GALNT2: variants seen among roughly 807,000 people sequenced by gnomAD.
The protein encoded by GALNT2 is UDP-GalNAc:polypeptide N-acetylgalactosaminyltransferase 2.
GALNT2 carries 31 observed loss-of-function variants against 81.4 expected under a neutral mutation model. The ratio of observed to expected loss-of-function variants is 0.38; its 90% confidence interval spans 0.29 to 0.51. The LOEUF (loss-of-function observed/expected upper bound fraction) is 0.51. Among genes scored for constraint, GALNT2 ranks in the 20% least tolerant of loss-of-function variants. The pLI, the probability that GALNT2 is intolerant of heterozygous loss-of-function variation, is 0.87. For missense variants in GALNT2, 629 were observed against 765.7 expected, an observed-to-expected ratio of 0.82 and a Z score of 2.11; for synonymous variants, 303 against 287.4, an observed-to-expected ratio of 1.05 and a Z score of -0.55.
At chr1:230,174,443 C>T (rs1040258048) in intron 1 of GALNT2, among the ~76,000 whole-genome samples, 4 of 152,136 alleles carry the variant, frequency 2.6e-5, no homozygotes, top group Non-Finnish European at 5.9e-5. Context: ...CTTGGTATCT[C>T]ACAGTAGCTT....
chr1:230,262,893 T>C (rs751372281), intron 12 of GALNT2, 29 bp from the exon 13 acceptor site: 1 of 1,598,634 alleles, frequency 6.3e-7, no homozygotes, highest in Admixed American at 1.7e-5. Flanking sequence ...TTAAAATTTA[T>C]AAAGGAATCT....
intron 1 of GALNT2, among the ~76,000 whole-genome samples, chr1:230,148,868 T>TAAGCCACCATACCCAGCCC (rs1662006156): frequency 6.6e-6 from 1 of 151,470 alleles, no homozygotes; most frequent in Non-Finnish European, 1.5e-5. Context: ...ATTACAGGCA[T>TAAGCCACCATACCCAGCCC]AAGCCACCAT....
chr1:230,217,555 G>A (rs184778942), intron 3 of GALNT2, among the ~76,000 whole-genome samples: 6 of 152,320 alleles, frequency 3.9e-5, no homozygotes, highest in East Asian at 1.9e-4. Context: ...GTCATAGTCC[G>A]TTTTGTGCTG....
intron 1 of GALNT2, among the ~76,000 whole-genome samples, chr1:230,174,594 C>A (rs956321367): frequency 1.3e-5 from 2 of 152,096 alleles, no homozygotes; most frequent in Non-Finnish European, 2.9e-5. Context: ...GTCTTTGATT[C>A]TTCTTCCCCT....
At chr1:230,175,982 G>A (rs184899260) in intron 1 of GALNT2, among the ~76,000 whole-genome samples, 136 of 152,246 alleles carry the variant, frequency 8.9e-4, no homozygotes, top group Non-Finnish European at 1.6e-3. Flanking sequence ...TTGTAAGACA[G>A]GAATTATAAA....
intron 1 of GALNT2, among the ~76,000 whole-genome samples, chr1:230,145,585 A>T (rs1019952654): frequency 1.3e-5 from 2 of 152,248 alleles, no homozygotes; most frequent in African/African-American, 4.8e-5. Context: ...GTCGGGGCTT[A>T]GACATTTACA....
intron 1 of GALNT2, among the ~76,000 whole-genome samples, chr1:230,083,048 TGGGATGATGGAGCAGGGAAGCC>T (rs1558275218): frequency 6.4e-5 from 9 of 140,116 alleles, no homozygotes; most frequent in East Asian, 4.4e-4. Flanking sequence ...GGAGGGAAGC[TGGGATGATGGAGCAGGGAAGCC>T]GGGATGATGG....
chr1:230,091,085 T>TCTG, intron 1 of GALNT2, among the ~76,000 whole-genome samples: 1 of 152,154 alleles, frequency 6.6e-6, no homozygotes, highest in South Asian at 2.1e-4. Flanking sequence ...CTTTCTTTTT[T>TCTG]TTTTTGAGAC....
Position 230,279,142 on chromosome 1 carries a change from G to A in GALNT2, c.1561-161G>A, listed in dbSNP as rs906865328. Among the ~76,000 whole-genome samples the A allele has an allele frequency of 2.6e-5, 4 of 152,220 alleles. No homozygotes were observed. Among genetic ancestry groups the A allele is most frequent in the Non-Finnish European group, 5.9e-5 (4 of 68,030 alleles). ...CAGCAGCACCTGTGGCTGGTTTCCTGTGGGGCTGCTGCAAGCTCCTCGGCC... is the reference window on the plus strand; with the variant it reads ...CAGCAGCACCTGTGGCTGGTTTCCTATGGGGCTGCTGCAAGCTCCTCGGCC... On this transcript the variant is annotated intron_variant, in intron 15 of 15. Coordinates refer to ENST00000366672, the MANE Select transcript of GALNT2 (RefSeq NM_004481.5). The surrounding 1 kb of genome is among the most constrained non-coding windows in gnomAD (Gnocchi z 4.6).
At chr1:230,133,608 C>G (rs961193789) in intron 1 of GALNT2, among the ~76,000 whole-genome samples, 1 of 152,110 alleles carries the variant, frequency 6.6e-6, no homozygotes, top group Non-Finnish European at 1.5e-5. Context: ...CGCCCGCCAC[C>G]GCGCCCAGCT....
At chr1:230,066,801 CTT>C (rs569511608), upstream of GALNT2, among the ~76,000 whole-genome samples, 2 of 152,232 alleles carry the variant, frequency 1.3e-5, no homozygotes, top group East Asian at 3.9e-4. Context: ...GAGCAAGGCT[CTT>C]TGCCCACGTG....
intron 1 of GALNT2, among the ~76,000 whole-genome samples, chr1:230,155,832 T>G (rs1662233417): frequency 6.6e-6 from 1 of 152,156 alleles, no homozygotes; most frequent in Non-Finnish European, 1.5e-5. Flanking sequence ...ACATTCGGCG[T>G]CAACCTCCAG....
chr1:230,065,066 A>G (rs1442054308), upstream of GALNT2, among the ~76,000 whole-genome samples: 1 of 152,146 alleles, frequency 6.6e-6, no homozygotes, highest in African/African-American at 2.4e-5. Context: ...TTCTGGGGTT[A>G]TAGTTTTAAT....
At chr1:230,169,386 G>T (rs1662716640) in intron 1 of GALNT2, among the ~76,000 whole-genome samples, 3 of 152,176 alleles carry the variant, frequency 2.0e-5, no homozygotes, top group Admixed American at 2.0e-4. Flanking sequence ...GTTGCCTAAG[G>T]TCATAGAGAT....
chr1:230,065,471 A>T (rs1192124581), upstream of GALNT2, among the ~76,000 whole-genome samples: 3 of 152,046 alleles, frequency 2.0e-5, no homozygotes, highest in African/African-American at 7.2e-5. Flanking sequence ...CACTTTGTTC[A>T]GTTTGACATG....
At chr1:230,189,247 GGA>G (rs1663439481) in intron 2 of GALNT2, among the ~76,000 whole-genome samples, 1 of 152,152 alleles carries the variant, frequency 6.6e-6, no homozygotes, top group Admixed American at 6.5e-5. Flanking sequence ...AGTTCAGAAA[GGA>G]GAGTCCTAAG....
chr1:230,274,361 C>A, intron 14 of GALNT2, 84 bp from the exon 15 acceptor site: 1 of 1,540,778 alleles, frequency 6.5e-7, no homozygotes, highest in South Asian at 1.2e-5. Context: ...GACCCATTTC[C>A]TTTTTGAGCC....
rs150504904 is a variant in GALNT2 at position 230,082,853 on chromosome 1, C to T, written c.126+15447C>T. ...AAGGACAGCTGTGGATGGAGCAGGA[C>T]GACTGGATAATGGAGCATGGAGCCA... is the stretch of plus-strand genomic sequence containing the variant. On this transcript the variant is annotated intron_variant, in intron 1 of 15. Transcript: ENST00000366672. 2.6e-4 allele frequency among the ~76,000 whole-genome samples: 39 copies of T among 152,126 alleles called. No individual in the cohort carries two copies. In the East Asian group the frequency reaches 2.9e-3, roughly 11 times the overall value.
chr1:230,109,702 C>T (rs1660646981), intron 1 of GALNT2, among the ~76,000 whole-genome samples: 1 of 152,128 alleles, frequency 6.6e-6, no homozygotes, highest in Non-Finnish European at 1.5e-5. Context: ...GTGGCAGGTG[C>T]CTGTAATCCC....
Sources: allele counts gnomAD v4.1 joint callset (sites outside exome capture counted in the v4.1 genomes callset), GRCh38; gene constraint gnomAD v4.1.1; non-coding constraint Gnocchi (gnomAD v3.1); transcripts MANE v1.5; gene names NCBI Gene and HGNC (gene_info 2026-07-23, HGNC 2026-07-21).